ABCD2: variants seen among roughly 807,000 people sequenced by gnomAD.
ABCD2 encodes the protein ATP-binding cassette sub-family D member 2.
In ABCD2, 36 loss-of-function variants were observed where a neutral mutation model predicts 70.9. That is an observed-to-expected ratio of 0.51 (90% CI 0.39 to 0.67). ABCD2 has a LOEUF of 0.67. Among genes scored for constraint, ABCD2 ranks in the 30% least tolerant of loss-of-function variants. The probability of loss-of-function intolerance (pLI) is 0.00; values close to 1 mark genes in which losing one functional copy is unlikely to be tolerated. For synonymous variants in ABCD2, 304 were observed against 306.9 expected (o/e 0.99, Z 0.10); for missense variants, 729 against 890.2 (o/e 0.82, Z 2.30).
chr12:39,602,167 A>G (rs985782570), intron 5 of ABCD2, among the ~76,000 whole-genome samples: 1 of 136,220 alleles, frequency 7.3e-6, no homozygotes, highest in African/African-American at 3.1e-5. Flanking sequence ...TTATTTATTT[A>G]TTTTTTATAC....
chr12:39,589,468 C>T (rs1467011374), intron 6 of ABCD2, among the ~76,000 whole-genome samples: 1 of 148,608 alleles, frequency 6.7e-6, no homozygotes, highest in African/African-American at 2.5e-5. Context: ...TGGCTCACTG[C>T]AAGCTCCGCC....
intron 6 of ABCD2, among the ~76,000 whole-genome samples, chr12:39,598,786 A>T (rs1486134941): frequency 6.6e-6 from 1 of 152,230 alleles, no homozygotes. Context: ...TTTCTTTTAC[A>T]TCATAAAAAC....
chr12:39,590,228 TAGATATATAGACCTATTC>T (rs1383448052), intron 6 of ABCD2, among the ~76,000 whole-genome samples: 3 of 152,192 alleles, frequency 2.0e-5, no homozygotes, highest in African/African-American at 7.2e-5. Flanking sequence ...CTTTCCTTTC[TAGATATATAGACCTATTC>T]AGATAATCTT....
At chr12:39,595,983 G>A (rs1037179572) in intron 6 of ABCD2, among the ~76,000 whole-genome samples, 1 of 152,160 alleles carries the variant, frequency 6.6e-6, no homozygotes, top group Non-Finnish European at 1.5e-5. Flanking sequence ...AACGAGTAAG[G>A]ACTGAGAGGA....
Position 39,586,831 on chromosome 12 carries a change from CA to C in ABCD2, c.1647-535del, listed in dbSNP as rs1941672769. 2.0e-5 allele frequency among the ~76,000 whole-genome samples: 3 copies of C among 152,056 alleles called. No homozygotes were observed. In the South Asian group the frequency reaches 6.2e-4, roughly 31 times the overall value. On this transcript the variant is annotated intron_variant, in intron 6 of 9. Transcript: ENST00000308666. Reference sequence around the variant, plus strand: ...TTGGGTTTCGACCCAGCAATGTGAACAAACAAAACAAAAAAATTTAATTCAT... The same window carrying C: ...TTGGGTTTCGACCCAGCAATGTGAACAACAAAACAAAAAAATTTAATTCAT...
chr12:39,540,691 T>C, the ABCD2 span, among the ~76,000 whole-genome samples: 30 of 152,248 alleles, frequency 2.0e-4, no homozygotes, highest in African/African-American at 7.0e-4. Flanking sequence ...CCACAATCTT[T>C]TGTCTTAACC....
chr12:39,617,192 G>A, intron 1 of ABCD2, 24 bp from the exon 2 acceptor site: 3 of 1,487,546 alleles, frequency 2.0e-6, no homozygotes, highest in Non-Finnish European at 2.7e-6. Context: ...AAAGAGTTGA[G>A]GACTTTTTTT....
At chr12:39,616,551 C>T (rs1296825148) in intron 2 of ABCD2, among the ~76,000 whole-genome samples, 12 of 151,990 alleles carry the variant, frequency 7.9e-5, no homozygotes, top group African/African-American at 1.7e-4. Flanking sequence ...CTTTTCAAAT[C>T]GCAAAGCAGG....
intron 9 of ABCD2, among the ~76,000 whole-genome samples, chr12:39,557,326 C>T (rs562919934): frequency 1.8e-4 from 27 of 152,218 alleles, no homozygotes; most frequent in African/African-American, 6.0e-4. Context: ...AATTTCTAAG[C>T]AGCAAAGCAT....
At chr12:39,613,107 C>CCTCAGGTAA (rs1269919507) in intron 2 of ABCD2, among the ~76,000 whole-genome samples, 1 of 138,084 alleles carries the variant, frequency 7.2e-6, no homozygotes, top group African/African-American at 3.2e-5. Context: ...AGGTTGTGGG[C>CCTCAGGTAA]CGGGCGCGGT....
the ABCD2 span, among the ~76,000 whole-genome samples, chr12:39,542,829 T>C: frequency 6.6e-6 from 1 of 152,116 alleles, no homozygotes; most frequent in Admixed American, 6.6e-5. Context: ...GGTCAGCCAA[T>C]GATCAGCTGT....
intron 6 of ABCD2, among the ~76,000 whole-genome samples, chr12:39,598,925 A>C (rs536906011): frequency 3.9e-4 from 60 of 152,326 alleles, no homozygotes; most frequent in Non-Finnish European, 7.1e-4. Context: ...TGGTCCTATA[A>C]AACTTCTAAC....
the ABCD2 span, among the ~76,000 whole-genome samples, chr12:39,533,598 T>A: frequency 8.5e-5 from 13 of 152,202 alleles, no homozygotes; most frequent in Admixed American, 8.5e-4. Context: ...TAGAGGTTTT[T>A]CTATAGTGAG....
At chr12:39,586,330 G>A in intron 6 of ABCD2, 33 bp from the exon 7 acceptor site, 1 of 1,592,464 alleles carries the variant, frequency 6.3e-7, no homozygotes, top group Non-Finnish European at 8.5e-7. Flanking sequence ...GAATCCTAGT[G>A]GAAAGTCATG....
intron 1 of ABCD2, among the ~76,000 whole-genome samples, chr12:39,618,305 C>T (rs1259214534): frequency 6.6e-6 from 1 of 152,100 alleles, no homozygotes; most frequent in Non-Finnish European, 1.5e-5. Context: ...TATGTTTAGT[C>T]TTAGTTTCTA....
chr12:39,532,733 A>G, the ABCD2 span, among the ~76,000 whole-genome samples: 1 of 152,240 alleles, frequency 6.6e-6, no homozygotes, highest in African/African-American at 2.4e-5. Context: ...AGTAGTAGGC[A>G]CTTACAAAAA....
chr12:39,585,884 A>G (rs917994906), intron 7 of ABCD2, among the ~76,000 whole-genome samples: 3 of 152,144 alleles, frequency 2.0e-5, no homozygotes, highest in Non-Finnish European at 2.9e-5. Flanking sequence ...GGGACTTTGT[A>G]CATTCGAATA....
chr12:39,596,818 G>T (rs968451243), intron 6 of ABCD2, among the ~76,000 whole-genome samples: 1 of 152,142 alleles, frequency 6.6e-6, no homozygotes, highest in African/African-American at 2.4e-5. Flanking sequence ...GGTGGAACTG[G>T]TTCCAGGACC....
chr12:39,540,537 C>A, the ABCD2 span, among the ~76,000 whole-genome samples: 1 of 152,206 alleles, frequency 6.6e-6, no homozygotes, highest in African/African-American at 2.4e-5. Context: ...CTATTGACAG[C>A]ACTAGATATT....
Sources: gnomAD v4.1 joint callset for allele counts (sites outside exome capture counted in the v4.1 genomes callset) on GRCh38, gnomAD v4.1.1 for gene constraint, MANE v1.5 for transcripts, NCBI Gene and HGNC (gene_info 2026-07-23, HGNC 2026-07-21) for gene names.